The following PTPRN variants were observed in gnomAD, a reference collection of about 807,000 sequenced individuals.
PTPRN encodes the protein protein tyrosine phosphatase receptor type N.
PTPRN carries 70 observed loss-of-function variants against 108.5 expected under a neutral mutation model. The ratio of observed to expected loss-of-function variants is 0.65; its 90% confidence interval spans 0.53 to 0.79. PTPRN has a LOEUF of 0.79. Among genes scored for constraint, PTPRN ranks in the 30% least tolerant of loss-of-function variants. The pLI, the probability that PTPRN is intolerant of heterozygous loss-of-function variation, is 0.00. For missense variants in PTPRN, 1,136 were observed against 1,295.5 expected (o/e 0.88, Z 1.89); for synonymous variants, 496 against 524.6 (o/e 0.95, Z 0.75).
chr2:219,293,305 C>T (rs931780063), intron 19 of PTPRN, among the ~76,000 whole-genome samples: 9 of 152,054 alleles, frequency 5.9e-5, no homozygotes, highest in Admixed American at 5.2e-4. Context: ...CTCAGCCTCC[C>T]GAGTAGCTGG....
rs760766774 is a variant in PTPRN at position 219,296,367 on chromosome 2, A to G, written c.2389-22T>C. 1.9e-6 allele frequency: 3 copies of G among 1,613,968 alleles called. No individual in the cohort carries two copies. The highest frequency in any genetic ancestry group is 1.7e-5 in the Admixed American group (1 of 59,990). ...CCATCTAGGGACAGAGACCCAGTTG[A>G]GCTCCACTCTAACCTCCCTGGGACC... is the stretch of plus-strand genomic sequence containing the variant. On this transcript the variant is annotated intron_variant, in intron 17 of 22. Transcript: ENST00000295718. This position sits in a 1 kb window ranked among gnomAD's most constrained non-coding sequence, Gnocchi z 6.0.
In PTPRN at chr2:219,301,726, G is replaced by A. The variant is rs778514182; in HGVS notation, c.995-7C>T. On this transcript the variant is annotated splice_region_variant and splice_polypyrimidine_tract_variant and intron_variant, in intron 6 of 22. Transcript: ENST00000295718. ...AGCCTCTGCAGAGCCGCATCTGCTG[G>A]GAGCCAGACACAGAGCTTAGGGCTG... is the stretch of plus-strand genomic sequence containing the variant. 1 of 1,604,796 alleles carries A rather than the reference G, an allele frequency of 6.2e-7. No homozygotes were observed. The highest frequency in any genetic ancestry group is 1.7e-5 in the Admixed American group (1 of 59,696).
rs780226619 is a variant in PTPRN at position 219,295,181 on chromosome 2, C to A, written c.2509-40G>T. ...CCCAGGCCTGAGCGCCGCGGGCTGC[C>A]CCAGTCCCCGCGTTGCGCGCGCTCT... On this transcript the variant is annotated intron_variant, in intron 18 of 22. Transcript: ENST00000295718. 6.9e-6 allele frequency: 11 copies of A among 1,589,120 alleles called. No homozygotes were observed. The East Asian group carries it at 2.6e-4, about 38-fold the overall frequency.
rs1952417124 is a variant in PTPRN, at chr2:219,303,781, C to T, written c.331G>A (p.Glu111Lys). ...GGGGGGCGAAGCCTGGGGATGCGCT[C>T]CATCTCCTGAGAGATCACATACTGG... ...LTQYVISQEM[E>K]RIPRLRPPEP... The change falls in exon 4 of 23, where the codon GAG (glutamate) becomes AAG (lysine). Residue 111 changes from glutamate (E) to lysine (K), a missense_variant. Physicochemically the swap from Glu to Lys is moderately conservative, Grantham distance 56. Coordinates refer to ENST00000295718, the MANE Select transcript of PTPRN (RefSeq NM_002846.4). 1.2e-6 allele frequency: 2 copies of T among 1,613,980 alleles called. No homozygotes were observed. The highest frequency in any genetic ancestry group is 1.7e-5 in the Admixed American group (1 of 59,996).
chr2:219,292,249 G>A (rs1952069671), intron 19 of PTPRN: 1 of 152,964 alleles, frequency 6.5e-6, no homozygotes. Flanking sequence ...GTTATATTCA[G>A]ACTTGGGGTC....
intron 19 of PTPRN, 142 bp from the exon 20 acceptor site, chr2:219,291,665 C>A (rs1208955780): frequency 4.5e-6 from 4 of 879,240 alleles, no homozygotes. Flanking sequence ...GAGAAAGGAG[C>A]CAGGGCTGGA....
At chr2:219,305,668 T>C (rs961209034) in intron 3 of PTPRN, among the ~76,000 whole-genome samples, 12 of 152,192 alleles carry the variant, frequency 7.9e-5, no homozygotes, top group African/African-American at 2.7e-4. Flanking sequence ...ATTCCAAATT[T>C]ATATCTCCAG....
At chr2:219,293,221 C>T (rs1319959734) in intron 19 of PTPRN, among the ~76,000 whole-genome samples, 1 of 152,024 alleles carries the variant, frequency 6.6e-6, no homozygotes, top group South Asian at 2.1e-4. Flanking sequence ...GGCTCTGTTG[C>T]CCAAGTGGCA....
Position 219,307,429 on chromosome 2 carries a change from G to A in PTPRN, c.280+15C>T. ...CAAGTTCCAATCTCTCTCCTCCAGT[G>A]CACCCAGACCTTACCTTGGGACATG... On this transcript the variant is annotated intron_variant, in intron 3 of 22. Coordinates refer to ENST00000295718, the MANE Select transcript of PTPRN (RefSeq NM_002846.4). 1.2e-6 allele frequency: 2 copies of A among 1,604,196 alleles called. No individual in the cohort carries two copies. The highest frequency in any genetic ancestry group is 1.7e-6 in the Non-Finnish European group (2 of 1,172,232).
chr2:219,309,159 T>G, intron 1 of PTPRN, 59 bp downstream of exon 1: 2 of 1,429,792 alleles, frequency 1.4e-6, no homozygotes, highest in South Asian at 1.2e-5. Context: ...CGAGTTTCGC[T>G]CCAGGCCCCA....
At chr2:219,304,418 G>T (rs1342999269) in intron 3 of PTPRN, among the ~76,000 whole-genome samples, 1 of 151,792 alleles carries the variant, frequency 6.6e-6, no homozygotes, top group Non-Finnish European at 1.5e-5. Flanking sequence ...CTTCATTGTC[G>T]TCATCATCAT....
At chr2:219,292,944 T>A (rs1952084295) in intron 19 of PTPRN, 1 of 152,194 alleles carries the variant, frequency 6.6e-6, no homozygotes, top group African/African-American at 2.4e-5. Context: ...GGGAACAGTT[T>A]CATCCTCAAA....
In PTPRN at chr2:219,297,089, T is replaced by C; in HGVS notation, c.2132A>G (p.Lys711Arg). Reference protein sequence around the residue: ...DHLRNRDRLAKEWQALCAYQA... With the variant: ...DHLRNRDRLAREWQALCAYQA... ...GTAGGCACAGAGGGCCTGCCACTCC[T>C]TGGCAAGGCGGTCCCGGTTCCGCAG... The change falls in exon 15 of 23, where the codon AAG becomes AGG. Residue 711 changes from lysine to arginine, a missense_variant. Lys to Arg is a conservative substitution (Grantham distance 26). Transcript: ENST00000295718. This position sits in a 1 kb window ranked among gnomAD's most constrained non-coding sequence, Gnocchi z 6.0. 6.2e-7 allele frequency: 1 copy of C among 1,614,142 alleles called. No homozygotes were observed. Among genetic ancestry groups the C allele is most frequent in the Non-Finnish European group, 8.5e-7 (1 of 1,180,030 alleles).
Position 219,294,622 on chromosome 2 carries a change from G to A in PTPRN, c.2675+353C>T, listed in dbSNP as rs557429648. 2.7e-5 allele frequency among the ~76,000 whole-genome samples: 4 copies of A among 147,412 alleles called. 1 individual carries two copies. Among genetic ancestry groups the A allele is most frequent in the African/African-American group, 1.0e-4 (4 of 38,520 alleles). On this transcript the variant is annotated intron_variant, in intron 19 of 22. Transcript: ENST00000295718. The stretch of plus-strand genomic sequence containing the variant: ...GGAGACAGCGGGGCAGGAGGGAACT[G>A]GAAGGAGAAAGGAAGCAGGGGTCCT...
rs750693949 is a variant in PTPRN at position 219,302,662 on chromosome 2, A to G, written c.553T>C (p.Leu185=). 2.5e-6 allele frequency: 4 copies of G among 1,613,688 alleles called. No individual in the cohort carries two copies. In the Admixed American group the frequency reaches 6.7e-5, roughly 27 times the overall value. ...TGTGGGGGCAGCAGCAGGTGCTCCA[A>G]GAGAGGCGGGAGCAGCTCAGCCTGC... The part of the protein sequence containing the change: ...PLQAELLPPL[L]EHLLLPPQPP... Residue 185 remains leucine (L), a synonymous_variant, in exon 5 of 23, where the codon TTG becomes CTG. Transcript: ENST00000295718.
intron 19 of PTPRN, among the ~76,000 whole-genome samples, chr2:219,294,493 A>AGACGGAGAGGGAGGAAGGAGG (rs1952127674): frequency 7.0e-6 from 1 of 143,554 alleles, no homozygotes; most frequent in African/African-American, 2.8e-5. Context: ...AGAGGCGAAG[A>AGACGGAGAGGGAGGAAGGAGG]GACGGAGAGG....
chr2:219,308,884 C>T, intron 1 of PTPRN: 1 of 1,350,816 alleles, frequency 7.4e-7, no homozygotes, highest in Non-Finnish European at 9.8e-7. Context: ...GTCACCACCT[C>T]CCAGGCGCCT....
At position 219,296,378 on chromosome 2, in the gene PTPRN, A is replaced by G. The variant is rs768349062; in HGVS notation, c.2389-33T>C. 6.2e-7 allele frequency: 1 copy of G among 1,614,088 alleles called. No homozygotes were observed. The highest frequency in any genetic ancestry group is 2.2e-5 in the East Asian group (1 of 44,876). On this transcript the variant is annotated intron_variant, in intron 17 of 22. Transcript: ENST00000295718. The surrounding 1 kb of genome is among the most constrained non-coding windows in gnomAD (Gnocchi z 6.0). ...CAGAGACCCAGTTGAGCTCCACTCT[A>G]ACCTCCCTGGGACCTCGTGGCCACA... is the stretch of plus-strand genomic sequence containing the variant.
Position 219,309,337 on chromosome 2 carries a change from C to T in PTPRN, c.-5G>A, listed in dbSNP as rs534705844. 3.3e-4 allele frequency: 464 copies of T among 1,425,854 alleles called. No individual in the cohort carries two copies. Among genetic ancestry groups the T allele is most frequent in the Non-Finnish European group, 4.2e-4 (451 of 1,080,952 alleles). The allele number at this position is 1,425,854 out of a possible 1,614,324, so 88.3% of individuals were successfully genotyped here. On this transcript the variant is annotated 5_prime_UTR_variant, in exon 1 of 23. Transcript: ENST00000295718. Reference sequence around the variant, plus strand: ...AGGCCGCCGCGGGCGCCGCATCTTTCCGAGCTCCGGGCGCTCGCTCCCGGG... The same window carrying T: ...AGGCCGCCGCGGGCGCCGCATCTTTTCGAGCTCCGGGCGCTCGCTCCCGGG...
Sources: gnomAD v4.1 joint callset for allele counts (sites outside exome capture counted in the v4.1 genomes callset) on GRCh38, gnomAD v4.1.1 for gene constraint, Gnocchi (gnomAD v3.1) non-coding constraint, MANE v1.5 for transcripts, NCBI Gene and HGNC (gene_info 2026-07-23, HGNC 2026-07-21) for gene names.